Variants in HPSE2 observed in about 807,000 individuals in gnomAD.
HPSE2 encodes inactive heparanase-2.
A neutral mutation model predicts 60.5 loss-of-function variants in HPSE2; 38 were observed. The ratio of observed to expected loss-of-function variants is 0.63; its 90% CI spans 0.48 to 0.82. The LOEUF is 0.82. Ranked by LOEUF, HPSE2 falls within the 40% of genes least tolerant of loss-of-function variation. The probability of loss-of-function intolerance (pLI) is 0.00; values close to 1 mark genes in which losing one functional copy is unlikely to be tolerated. For missense variants in HPSE2, 713 were observed against 740.4 expected, an observed-to-expected ratio of 0.96 and a Z score of 0.43; for synonymous variants, 295 against 293.2, an observed-to-expected ratio of 1.01 and a Z score of -0.06.
intron 3 of HPSE2, among the ~76,000 whole-genome samples, chr10:98,957,225 A>G (rs1471544290): frequency 6.6e-6 from 1 of 152,188 alleles, no homozygotes; most frequent in African/African-American, 2.4e-5. Context: ...AAAGCATGCT[A>G]TATGAAGGAT....
intron 9 of HPSE2, among the ~76,000 whole-genome samples, chr10:98,530,913 T>C (rs1943111494): frequency 6.6e-6 from 1 of 152,206 alleles, no homozygotes. Flanking sequence ...GTCTGGACCC[T>C]GTGAAGAAGG....
chr10:98,769,952 G>A (rs913438425), intron 3 of HPSE2, among the ~76,000 whole-genome samples: 1 of 152,174 alleles, frequency 6.6e-6, no homozygotes, highest in African/African-American at 2.4e-5. Flanking sequence ...TACAAAGATG[G>A]AATGTTATTG....
At chr10:99,312,222 GCTACA>G in the HPSE2 span, among the ~76,000 whole-genome samples, 1 of 152,250 alleles carries the variant, frequency 6.6e-6, no homozygotes, top group African/African-American at 2.4e-5. Context: ...GATGAAGGTG[GCTACA>G]CTAATCGACA....
chr10:99,314,059 C>T, the HPSE2 span, among the ~76,000 whole-genome samples: 1 of 152,152 alleles, frequency 6.6e-6, no homozygotes, highest in Non-Finnish European at 1.5e-5. Context: ...GCCACCACCC[C>T]GTCAGTCAGC....
In HPSE2 at chr10:98,933,778, C is replaced by A. The variant is rs578235777; in HGVS notation, c.611-189722G>T. Among the ~76,000 whole-genome samples the A allele has an allele frequency of 3.7e-3, 527 of 140,694 alleles. 41 individuals carry two copies. Among genetic ancestry groups the A allele is most frequent in the Non-Finnish European group, 4.7e-3 (310 of 66,638 alleles). 92.3% of individuals were successfully genotyped at this position (140,694 alleles called of 152,430 possible). ...ATGGAGTCTTGCTCTTTTGCCCAGG[C>A]TGGAGTGCAACAGTGTGATCTCGGC... On this transcript the variant is annotated intron_variant, in intron 3 of 11. Transcript: ENST00000370552.
intron 3 of HPSE2, chr10:99,047,704 A>C: frequency 1.2e-6 from 1 of 840,928 alleles, no homozygotes; most frequent in South Asian, 1.3e-5. Flanking sequence ...GGAAAAAGTG[A>C]AGGAATTTCA....
chr10:99,079,234 G>T (rs190136406), intron 3 of HPSE2, among the ~76,000 whole-genome samples: 2 of 152,288 alleles, frequency 1.3e-5, no homozygotes, highest in East Asian at 1.9e-4. Context: ...AGAAGTTGGG[G>T]CATTGGATGT....
At chr10:99,312,878 G>A in the HPSE2 span, among the ~76,000 whole-genome samples, 1 of 152,218 alleles carries the variant, frequency 6.6e-6, no homozygotes. Context: ...CTGTAGGTAT[G>A]GCCAGGTGGG....
At chr10:99,220,854 CT>C (rs1210143115) in intron 2 of HPSE2, among the ~76,000 whole-genome samples, 79,536 of 88,626 alleles carry the variant, frequency 0.9, 35,610 homozygotes, top group Middle Eastern at 0.94. Context: ...GAGGCTTTCA[CT>C]TTTTTTTTTT....
intron 3 of HPSE2, among the ~76,000 whole-genome samples, chr10:99,135,544 A>G (rs1168378174): frequency 6.6e-6 from 1 of 152,228 alleles, no homozygotes; most frequent in African/African-American, 2.4e-5. Flanking sequence ...AGAACTCAGG[A>G]TTAAGAAACT....
chr10:99,051,721 T>C (rs932727066), intron 3 of HPSE2, among the ~76,000 whole-genome samples: 1 of 152,200 alleles, frequency 6.6e-6, no homozygotes, highest in Non-Finnish European at 1.5e-5. Flanking sequence ...GGAGAGTGTG[T>C]TTTAAGTTTG....
intron 9 of HPSE2, among the ~76,000 whole-genome samples, chr10:98,592,273 A>G (rs1305552520): frequency 2.6e-5 from 4 of 152,220 alleles, no homozygotes; most frequent in African/African-American, 7.2e-5. Flanking sequence ...GTATGATTTC[A>G]TATTCCATAG....
At chr10:99,274,369 C>T in the HPSE2 span, among the ~76,000 whole-genome samples, 2 of 152,106 alleles carry the variant, frequency 1.3e-5, no homozygotes, top group South Asian at 2.1e-4. Context: ...GCAAGAAGTC[C>T]ACAAACCTGC....
At chr10:99,288,930 A>G in the HPSE2 span, among the ~76,000 whole-genome samples, 1 of 152,176 alleles carries the variant, frequency 6.6e-6, no homozygotes, top group East Asian at 1.9e-4. Flanking sequence ...TGGTATACTT[A>G]TATAGTTTAG....
chr10:98,672,722 T>A (rs1332609248), intron 6 of HPSE2, among the ~76,000 whole-genome samples: 1 of 152,188 alleles, frequency 6.6e-6, no homozygotes, highest in Non-Finnish European at 1.5e-5. Context: ...TCTCAATTTG[T>A]CATCAAGACC....
intron 11 of HPSE2, among the ~76,000 whole-genome samples, chr10:98,474,582 G>C (rs1940920220): frequency 6.6e-6 from 1 of 152,056 alleles, no homozygotes; most frequent in Non-Finnish European, 1.5e-5. Context: ...GTTTTAATGA[G>C]GGTGAAATGA....
At chr10:98,730,044 T>C (rs1460088891) in intron 4 of HPSE2, among the ~76,000 whole-genome samples, 2 of 149,352 alleles carry the variant, frequency 1.3e-5, no homozygotes, top group Non-Finnish European at 3.0e-5. Flanking sequence ...GCAGGATACA[T>C]ATTCTTTTCT....
rs114050183 is a variant in HPSE2 at position 99,108,094 on chromosome 10, A to G, written c.610+36144T>C. ...AAAAATGGCTGAAGCAGATAGTGAC[A>G]TTCCATGCCTCCTCTTTGAAAGATA... is the stretch of plus-strand genomic sequence containing the variant. On this transcript the variant is annotated intron_variant, in intron 3 of 11. Coordinates refer to ENST00000370552, the MANE Select transcript of HPSE2 (RefSeq NM_021828.5). Among the ~76,000 whole-genome samples, 871 of 152,312 alleles carry G rather than the reference A, an allele frequency of 5.7e-3. 9 individuals are homozygous for G. Among genetic ancestry groups the G allele is most frequent in the African/African-American group, 0.02 (826 of 41,578 alleles).
the HPSE2 span, among the ~76,000 whole-genome samples, chr10:99,271,320 G>A: frequency 6.6e-6 from 1 of 152,184 alleles, no homozygotes; most frequent in Non-Finnish European, 1.5e-5. Context: ...ACAGAAATCA[G>A]TAGCTCTGCT....
Sources: gnomAD v4.1 joint callset for allele counts (sites outside exome capture counted in the v4.1 genomes callset) on GRCh38, gnomAD v4.1.1 for gene constraint, MANE v1.5 for transcripts, NCBI Gene and HGNC (gene_info 2026-07-23, HGNC 2026-07-21) for gene names.